NOVA2: variants seen among roughly 807,000 people sequenced by gnomAD.
The protein encoded by NOVA2 is NOVA alternative splicing regulator 2.
Under a neutral mutation model 22.5 loss-of-function variants are expected in NOVA2, and 9 were observed. The observed-to-expected ratio is 0.40, with a 90% CI of 0.24 to 0.70. The LOEUF (loss-of-function observed/expected upper bound fraction) is 0.70. NOVA2 is among the 30% of genes least tolerant of loss of function. NOVA2 has a pLI of 0.38. For missense variants in NOVA2, 383 were observed against 682.8 expected (o/e 0.56, Z 4.89); for synonymous variants, 318 against 335.2 (o/e 0.95, Z 0.56).
chr19:45,935,557 G>A lies in NOVA2; in HGVS notation c.*4306C>T, dbSNP rs1342865998. ...GAGCCCGGTTTCCAGGCAGGTGCTT[G>A]TCGAAGGCCTGGCTGGCTGTACCGA... On this transcript the variant is annotated 3_prime_UTR_variant, in exon 4 of 4. Coordinates refer to ENST00000263257, the MANE Select transcript of NOVA2 (RefSeq NM_002516.4). The A allele has an allele frequency of 6.6e-6, 1 of 152,222 alleles. No homozygotes were observed. The highest frequency in any genetic ancestry group is 1.5e-5 in the Non-Finnish European group (1 of 68,048). The allele number at this position is 152,222 out of a possible 1,614,324, so 9.4% of individuals were successfully genotyped here. A position where few individuals can be genotyped will look rare whatever the true frequency, so the allele number is the denominator to read the frequency against.
chr19:45,949,742 T>G (rs948200925), intron 3 of NOVA2, among the ~76,000 whole-genome samples: 79 of 134,922 alleles, frequency 5.9e-4, no homozygotes, highest in African/African-American at 2.6e-3. Flanking sequence ...GTAGGTTGTT[T>G]TTTTTTTTTT....
At chr19:45,958,171 C>A (rs1968033543) in intron 2 of NOVA2, among the ~76,000 whole-genome samples, 1 of 151,400 alleles carries the variant, frequency 6.6e-6, no homozygotes, top group Admixed American at 6.6e-5. Context: ...GCAAGGGAGT[C>A]TGTGTGGCCC....
intron 3 of NOVA2, among the ~76,000 whole-genome samples, chr19:45,950,725 G>T (rs987889146): frequency 2.0e-5 from 3 of 152,136 alleles, no homozygotes; most frequent in Non-Finnish European, 4.4e-5. Flanking sequence ...GAGACCATCT[G>T]CCCCAGTGAT....
intron 2 of NOVA2, among the ~76,000 whole-genome samples, chr19:45,956,137 C>T (rs768320371): frequency 1.3e-5 from 2 of 152,194 alleles, no homozygotes; most frequent in Non-Finnish European, 2.9e-5. Context: ...TCTTACTACC[C>T]CCCCTTCCCC....
In NOVA2 at chr19:45,938,955, C is replaced by T. The variant is rs62111294; in HGVS notation, c.*908G>A. 0.33 allele frequency: 50,025 copies of T among 152,130 alleles called. 9,455 individuals are homozygous for T. Among genetic ancestry groups the T allele is most frequent in the Non-Finnish European group, 0.42 (28,353 of 67,962 alleles). 9.4% of individuals were successfully genotyped at this position (152,130 alleles called of 1,614,324 possible). A position where few individuals can be genotyped will look rare whatever the true frequency, so the allele number is the denominator to read the frequency against. ...GAGACATCACAGGAAGTACCTGCTC[C>T]CTTATGTTCACAGGAAGTAACCTCT... On this transcript the variant is annotated 3_prime_UTR_variant, in exon 4 of 4. Transcript: ENST00000263257.
chr19:45,961,303 G>A (rs1968092554), intron 1 of NOVA2, 150 bp from the exon 2 acceptor site: 1 of 602,332 alleles, frequency 1.7e-6, no homozygotes, highest in Non-Finnish European at 2.9e-6. Flanking sequence ...TCAACAAATA[G>A]TTATTGAGCA....
chr19:45,945,272 AGC>A (rs1257211076), intron 3 of NOVA2, among the ~76,000 whole-genome samples: 1 of 151,986 alleles, frequency 6.6e-6, no homozygotes, highest in Non-Finnish European at 1.5e-5. Context: ...ACTACACTCC[AGC>A]CTGGGTGACA....
intron 3 of NOVA2, among the ~76,000 whole-genome samples, chr19:45,944,688 A>G (rs888356762): frequency 6.6e-5 from 10 of 152,368 alleles, no homozygotes; most frequent in African/African-American, 2.4e-4. Context: ...GAAGCCAGTT[A>G]CAAAAGACCA....
At chr19:45,955,728 C>T (rs373291767) in intron 2 of NOVA2, among the ~76,000 whole-genome samples, 34 of 152,026 alleles carry the variant, frequency 2.2e-4, no homozygotes, top group African/African-American at 7.2e-4. Flanking sequence ...CGTGGTGGCA[C>T]GCACCTGTAG....
Position 45,940,555 on chromosome 19 carries a change from C to A in NOVA2, c.787G>T (p.Ala263Ser), listed in dbSNP as rs1967737586. Residue 263 changes from alanine (A) to serine (S), a missense_variant, in exon 4 of 4, where the codon GCC (alanine) becomes TCC (serine). Around this residue, in one of 2 missense-constraint regions of NOVA2, gnomAD observed 349 missense variants for 578.1 expected, o/e 0.60. Coordinates refer to ENST00000263257, the MANE Select transcript of NOVA2 (RefSeq NM_002516.4). The stretch of plus-strand genomic sequence containing the variant: ...AAGGCGGGCAGCGCGGCGGGAAAGG[C>A]CCCCACGCCAGCCAGCCCGGCGGGG... ...LGPAGLAGVG[A>S]FPAALPAFSG... 1.4e-6 allele frequency: 2 copies of A among 1,471,598 alleles called. No individual in the cohort carries two copies. The highest frequency in any genetic ancestry group is 1.5e-5 in the African/African-American group (1 of 67,990). The allele number at this position is 1,471,598 out of a possible 1,614,324, so 91.2% of individuals were successfully genotyped here. A position where few individuals can be genotyped will look rare whatever the true frequency, so the allele number is the denominator to read the frequency against.
intron 1 of NOVA2, among the ~76,000 whole-genome samples, chr19:45,971,895 C>T (rs760736011): frequency 1.3e-5 from 2 of 151,964 alleles, no homozygotes; most frequent in Non-Finnish European, 2.9e-5. Flanking sequence ...GTTCCCAGCT[C>T]GGCTTTTCTT....
intron 3 of NOVA2, among the ~76,000 whole-genome samples, chr19:45,946,557 T>C (rs1007371840): frequency 2.6e-5 from 4 of 152,088 alleles, no homozygotes; most frequent in Admixed American, 6.6e-5. Flanking sequence ...GGAAGATACA[T>C]GTTAAAGTAC....
At position 45,940,897 on chromosome 19, in the gene NOVA2, C is replaced by G; in HGVS notation, c.445G>C (p.Gly149Arg). ...NSTAGLIIGK[G>R]GATVKAVMEQ... ...ATCACGGCTTTCACCGTGGCGCCTC[C>G]CTTGCCGATGATCAGGCCCGCCGTG... The change falls in exon 4 of 4, where the codon GGA becomes CGA. Residue 149 changes from glycine to arginine, a missense_variant. This residue lies in a region of NOVA2 where 349 missense variants were observed against 578.1 expected (regional missense o/e 0.60). Transcript: ENST00000263257. The G allele has an allele frequency of 6.2e-7, 1 of 1,605,482 alleles. No homozygotes were observed. The highest frequency in any genetic ancestry group is 8.5e-7 in the Non-Finnish European group (1 of 1,179,942).
rs1336116380 is a variant in NOVA2 at position 45,936,413 on chromosome 19, G to A, written c.*3450C>T. On this transcript the variant is annotated 3_prime_UTR_variant, in exon 4 of 4. Transcript: ENST00000263257. ...ATTCTAAGAAAAACTCAGGGTGGGA[G>A]GGCTGTGGAAGGGGGACCCAATTTA... 1 of 151,682 alleles carries A rather than the reference G, an allele frequency of 6.6e-6. No homozygotes were observed. Among genetic ancestry groups the A allele is most frequent in the African/African-American group, 2.4e-5 (1 of 41,312 alleles). 9.4% of individuals were successfully genotyped at this position (151,682 alleles called of 1,614,324 possible). A position where few individuals can be genotyped will look rare whatever the true frequency, so the allele number is the denominator to read the frequency against.
intron 2 of NOVA2, among the ~76,000 whole-genome samples, chr19:45,958,080 C>G (rs1968031344): frequency 6.8e-6 from 1 of 147,546 alleles, no homozygotes; most frequent in Non-Finnish European, 1.5e-5. Flanking sequence ...CCACTGCACT[C>G]CAGCCTGGTG....
chr19:45,965,939 A>G (rs1968161786), intron 1 of NOVA2, among the ~76,000 whole-genome samples: 1 of 152,194 alleles, frequency 6.6e-6, no homozygotes, highest in East Asian at 1.9e-4. Context: ...GAAATGTTAG[A>G]TATCATCATT....
intron 1 of NOVA2, chr19:45,962,743 T>G (rs1469565996): frequency 1.3e-5 from 2 of 151,986 alleles, no homozygotes; most frequent in Admixed American, 1.3e-4. Context: ...ACCTCCCGGG[T>G]GTAAGGGGTT....
chr19:45,948,911 CA>C (rs2146413193), intron 3 of NOVA2, among the ~76,000 whole-genome samples: 1 of 152,190 alleles, frequency 6.6e-6, no homozygotes, highest in Admixed American at 6.5e-5. Flanking sequence ...AACAGACAAG[CA>C]AAATGTGGTC....
intron 1 of NOVA2, among the ~76,000 whole-genome samples, chr19:45,972,021 C>T (rs944459592): frequency 6.6e-6 from 1 of 152,058 alleles, no homozygotes; most frequent in African/African-American, 2.4e-5. Context: ...GACACACACA[C>T]AGCCTCCCTT....
Sources: gnomAD v4.1 joint callset for allele counts (sites outside exome capture counted in the v4.1 genomes callset) on GRCh38, gnomAD v4.1.1 for gene constraint, gnomAD v4.1.1 regional missense constraint, MANE v1.5 for transcripts, NCBI Gene and HGNC (gene_info 2026-07-23, HGNC 2026-07-21) for gene names.